Variants in ANKRD28 observed in about 807,000 individuals in gnomAD.
The protein encoded by ANKRD28 is serine/threonine-protein phosphatase 6 regulatory ankyrin repeat subunit A.
In ANKRD28, 44 loss-of-function variants were observed where a neutral mutation model predicts 126.5. The ratio of observed to expected loss-of-function variants is 0.35; its 90% CI spans 0.27 to 0.45. The LOEUF is 0.45. Among genes scored for constraint, ANKRD28 ranks in the 20% least tolerant of loss-of-function variants. The pLI, the probability that ANKRD28 is intolerant of heterozygous loss-of-function variation, is 1.00. For missense variants in ANKRD28, 1,110 were observed against 1,316.6 expected (o/e 0.84, Z 2.43); for synonymous variants, 442 against 468.5 (o/e 0.94, Z 0.73).
Position 15,720,979 on chromosome 3 carries a change from G to T in ANKRD28, c.932C>A (p.Ala311Glu). 1 of 1,613,862 alleles carries T rather than the reference G, an allele frequency of 6.2e-7. No individual in the cohort carries two copies. The highest frequency in any genetic ancestry group is 8.5e-7 in the Non-Finnish European group (1 of 1,179,838). ...TAAACACAATGCTCCATGTGTTGAT[G>T]CAGCAGCAAAGTGCAAAGGAGTAAA... ...KGFTPLHFAA[A>E]STHGALCLEL... Residue 311 changes from alanine (A) to glutamate (E), a missense_variant, in exon 8 of 28, where the codon GCA (alanine) becomes GAA (glutamate). Ala to Glu is a moderately radical substitution (Grantham distance 107). Coordinates refer to ENST00000683139, the MANE Select transcript of ANKRD28 (RefSeq NM_001349278.2).
intron 14 of ANKRD28, among the ~76,000 whole-genome samples, chr3:15,696,472 A>C (rs923153378): frequency 1.3e-5 from 2 of 152,160 alleles, no homozygotes; most frequent in African/African-American, 4.8e-5. Flanking sequence ...TGGATACCTC[A>C]AAAGTCTGTC....
chr3:15,714,620 G>C lies in ANKRD28; in HGVS notation c.1033C>G (p.Leu345Val). Residue 345 changes from leucine (L) to valine (V), a missense_variant, in exon 9 of 28, where the codon CTC becomes GTC. Physicochemically the swap from Leu to Val is conservative, Grantham distance 32 (BLOSUM62 1). Transcript: ENST00000683139. ...TGTGATCGGGAGAATCTACCGTGGA[G>C]AGCAGTCATGTGTAGTGGGGTTTTC... ...DGKTPLHMTALHGRFSRSQTI... is the reference protein window; with the variant it reads ...DGKTPLHMTAVHGRFSRSQTI... The C allele has an allele frequency of 3.7e-6, 6 of 1,601,430 alleles. No homozygotes were observed. The highest frequency in any genetic ancestry group is 5.1e-6 in the Non-Finnish European group (6 of 1,175,992).
chr3:15,707,255 G>C (rs1235747114), intron 14 of ANKRD28, among the ~76,000 whole-genome samples: 1 of 108,780 alleles, frequency 9.2e-6, no homozygotes, highest in African/African-American at 2.6e-5. Flanking sequence ...TTTCGTGCAA[G>C]AAGAAAAAAA....
chr3:15,715,988 TTC>T lies in ANKRD28; in HGVS notation c.997-1334_997-1333del, dbSNP rs201449339. 7.8e-3 allele frequency among the ~76,000 whole-genome samples: 1,193 copies of T among 152,028 alleles called. 2 individuals carry two copies. The highest frequency in any genetic ancestry group is 0.013 in the Non-Finnish European group (894 of 67,932). On this transcript the variant is annotated intron_variant, in intron 8 of 27. Coordinates refer to ENST00000683139, the MANE Select transcript of ANKRD28 (RefSeq NM_001349278.2). ...TAATATTTTAGCTATGGCCTTTTTT[TTC>T]TCTCTTTTTTTTTTTTGAGACTTGC...
chr3:15,685,547 T>C (rs1407601876), intron 20 of ANKRD28, 102 bp from the exon 21 acceptor site: 2 of 980,530 alleles, frequency 2.0e-6, no homozygotes, highest in African/African-American at 3.3e-5. Flanking sequence ...TCCATATCCT[T>C]CCATCAATTA....
upstream of ANKRD28, among the ~76,000 whole-genome samples, chr3:15,802,173 T>C (rs546732583): frequency 6.8e-4 from 104 of 152,314 alleles, no homozygotes; most frequent in Non-Finnish European, 1.2e-3. Context: ...TAAGTAGGTG[T>C]TGTGTGCCTT....
chr3:15,850,222 TATAGAGAG>T (rs1259768672), intron 1 of ANKRD28, among the ~76,000 whole-genome samples: 25 of 41,802 alleles, frequency 6.0e-4, no homozygotes, highest in African/African-American at 1.3e-3. Flanking sequence ...TATATATATA[TATAGAGAG>T]AGAGAGAGAG....
At chr3:15,821,987 AAAC>A (rs2060951362) in intron 1 of ANKRD28, among the ~76,000 whole-genome samples, 1 of 152,216 alleles carries the variant, frequency 6.6e-6, no homozygotes, top group African/African-American at 2.4e-5. Context: ...CAACTGGGGC[AAAC>A]AATAAACATC....
At position 15,690,315 on chromosome 3, in the gene ANKRD28, A is replaced by G. The variant is rs866042033; in HGVS notation, c.1762-95T>C. Reference sequence around the variant, plus strand: ...TGTAAATAAGCAAACTTGTCTTCATATTATTATCCTACTTGAGATAATCCA... The same window carrying G: ...TGTAAATAAGCAAACTTGTCTTCATGTTATTATCCTACTTGAGATAATCCA... On this transcript the variant is annotated intron_variant, in intron 17 of 27. Transcript: ENST00000683139. 2.9e-6 allele frequency: 3 copies of G among 1,018,412 alleles called. No individual in the cohort carries two copies. In the Middle Eastern group the frequency reaches 7.2e-4, roughly 245 times the overall value. 63.1% of individuals were successfully genotyped at this position (1,018,412 alleles called of 1,614,324 possible).
intron 1 of ANKRD28, among the ~76,000 whole-genome samples, chr3:15,848,072 T>C (rs917315130): frequency 3.9e-5 from 6 of 152,208 alleles, no homozygotes; most frequent in Non-Finnish European, 5.9e-5. Context: ...TAGCACTTGA[T>C]GCACAATAAA....
At position 15,670,582 on chromosome 3, in the gene ANKRD28, A is replaced by T. The variant is rs139076839; in HGVS notation, c.2966-26T>A. 2.9e-3 allele frequency: 4,570 copies of T among 1,597,618 alleles called. 10 individuals carry two copies. The highest frequency in any genetic ancestry group is 3.6e-3 in the Non-Finnish European group (4,176 of 1,170,490). ...CTAGAATTAAAGATAAAATTTAAAA[A>T]TTAAGCATCCTGAGATGTATTTCAC... On this transcript the variant is annotated intron_variant, in intron 27 of 27. Transcript: ENST00000683139.
intron 1 of ANKRD28, among the ~76,000 whole-genome samples, chr3:15,818,316 G>A (rs973578148): frequency 5.3e-5 from 8 of 152,116 alleles, no homozygotes; most frequent in Admixed American, 4.6e-4. Flanking sequence ...CTCATATGAC[G>A]CCACAAGTGG....
In ANKRD28 at chr3:15,830,490, G is replaced by C. The variant is rs1428396410; in HGVS notation, c.27+28887C>G. 1.3e-5 allele frequency among the ~76,000 whole-genome samples: 2 copies of C among 152,094 alleles called. No individual in the cohort carries two copies. The highest frequency in any genetic ancestry group is 3.9e-4 in the East Asian group (2 of 5,190). On this transcript the variant is annotated intron_variant, in intron 1 of 27. Coordinates refer to the ANKRD28 transcript ENST00000399451. The surrounding 1 kb of genome is among the most constrained non-coding windows in gnomAD (Gnocchi z 4.5). The stretch of plus-strand genomic sequence containing the variant: ...TCCTATTTTGAATTGCACATCTGAG[G>C]GATCTAGGTTATGTGCTTTTTACAA...
rs2066192149 is a variant in ANKRD28, at chr3:15,669,958, C to A, written c.*312G>T. Reference sequence around the variant, plus strand: ...TATTTCTTCTGTTACAATAGTGTTGCTTGTGTAAGCAGGTTAGAGTGCACA... The same window carrying A: ...TATTTCTTCTGTTACAATAGTGTTGATTGTGTAAGCAGGTTAGAGTGCACA... On this transcript the variant is annotated 3_prime_UTR_variant, in exon 28 of 28. Coordinates refer to ENST00000683139, the MANE Select transcript of ANKRD28 (RefSeq NM_001349278.2). 1 of 243,902 alleles carries A rather than the reference C, an allele frequency of 4.1e-6. No individual in the cohort carries two copies. Among genetic ancestry groups the A allele is most frequent in the Admixed American group, 5.0e-5 (1 of 20,164 alleles). The allele number at this position is 243,902 out of a possible 1,614,324, so 15.1% of individuals were successfully genotyped here.
intron 14 of ANKRD28, among the ~76,000 whole-genome samples, chr3:15,699,689 T>C (rs2070257327): frequency 6.6e-6 from 1 of 152,098 alleles, no homozygotes; most frequent in African/African-American, 2.4e-5. Context: ...AATGAGACAC[T>C]ATCTCACGCC....
intron 10 of ANKRD28, among the ~76,000 whole-genome samples, chr3:15,713,151 C>G (rs2072553510): frequency 6.6e-6 from 1 of 152,048 alleles, no homozygotes; most frequent in African/African-American, 2.4e-5. Flanking sequence ...TGGCACAGCA[C>G]AGCCTGAAAA....
intron 26 of ANKRD28, chr3:15,676,679 T>G: frequency 4.2e-6 from 1 of 240,638 alleles, no homozygotes; most frequent in Non-Finnish European, 8.1e-6. Context: ...TTACAGTTGA[T>G]TTCCACAGAA....
intron 3 of ANKRD28, among the ~76,000 whole-genome samples, chr3:15,756,893 T>C (rs541192796): frequency 2.0e-5 from 3 of 152,176 alleles, no homozygotes; most frequent in Non-Finnish European, 4.4e-5. Context: ...ATCTAATTGG[T>C]CACTAAATTC....
chr3:15,764,982 C>CTGTT (rs3058478), intron 3 of ANKRD28, among the ~76,000 whole-genome samples: 6,335 of 152,212 alleles, frequency 0.042, 417 homozygotes, highest in African/African-American at 0.14. Context: ...CGGCAAAACT[C>CTGTT]TGGGCTATTA....
Sources: allele counts gnomAD v4.1 joint callset (sites outside exome capture counted in the v4.1 genomes callset), GRCh38; gene constraint gnomAD v4.1.1; non-coding constraint Gnocchi (gnomAD v3.1); transcripts MANE v1.5; gene names NCBI Gene and HGNC (gene_info 2026-07-23, HGNC 2026-07-21).